MCOLN2: variants seen among roughly 807,000 people sequenced by gnomAD.
MCOLN2 encodes the protein mucolipin-2.
Under a neutral mutation model 67.5 loss-of-function variants are expected in MCOLN2, and 57 were observed. That is an observed-to-expected ratio of 0.84 (90% CI 0.68 to 1.05). The LOEUF is 1.05. Among genes scored for constraint, MCOLN2 ranks in the 50% least tolerant of loss-of-function variants. MCOLN2 has a pLI of 0.00. For synonymous variants in MCOLN2, 246 were observed against 233.3 expected (o/e 1.05, Z -0.50); for missense variants, 620 against 678.8 (o/e 0.91, Z 0.96).
At chr1:84,954,883 G>GT (rs2102840589) in intron 4 of MCOLN2, among the ~76,000 whole-genome samples, 1 of 152,302 alleles carries the variant, frequency 6.6e-6, no homozygotes, top group African/African-American at 2.4e-5. Context: ...TATATACAAG[G>GT]TAATTTCACA....
chr1:84,956,697 T>TCC (rs1358999561), intron 3 of MCOLN2, 113 bp from the exon 4 acceptor site: 9 of 807,560 alleles, frequency 1.1e-5, no homozygotes, highest in Middle Eastern at 2.7e-4. Flanking sequence ...ATCATGGCTC[T>TCC]CAATAGAACT....
chr1:84,990,545 C>T (rs1650842357), intron 1 of MCOLN2, among the ~76,000 whole-genome samples: 1 of 151,958 alleles, frequency 6.6e-6, no homozygotes, highest in South Asian at 2.1e-4. Context: ...TACCTTTGCA[C>T]TGACTTGAAG....
rs1286860201 is a variant in MCOLN2 at position 84,926,498 on chromosome 1, T to C, written c.*187A>G. On this transcript the variant is annotated 3_prime_UTR_variant, in exon 14 of 14. Transcript: ENST00000370608. ...GTAGTAGCCCATGGTCTATTCTTTA[T>C]CATTCAAGTTTATAAAAAGTAAAGC... 6.7e-6 allele frequency: 3 copies of C among 447,050 alleles called. No individual in the cohort carries two copies. The highest frequency in any genetic ancestry group is 1.2e-5 in the Non-Finnish European group (3 of 248,590). 27.7% of individuals were successfully genotyped at this position (447,050 alleles called of 1,614,324 possible). A position where few individuals can be genotyped will look rare whatever the true frequency, so the allele number is the denominator to read the frequency against.
At chr1:84,969,722 A>G (rs1208188366) in intron 1 of MCOLN2, among the ~76,000 whole-genome samples, 1 of 152,210 alleles carries the variant, frequency 6.6e-6, no homozygotes, top group East Asian at 1.9e-4. Flanking sequence ...TAGTCCGCGG[A>G]GCAAGCACTG....
chr1:84,927,271 T>TG lies in MCOLN2; in HGVS notation c.1665-551dup, dbSNP rs146143491. The stretch of plus-strand genomic sequence containing the variant: ...CTCAATAAATACATTGGTTTGTTTC[T>TG]GGAAAAAAAAAAAGAATCTCTGTGT... On this transcript the variant is annotated intron_variant, in intron 13 of 13. Transcript: ENST00000370608. 1.5e-3 allele frequency among the ~76,000 whole-genome samples: 231 copies of TG among 151,594 alleles called. 5 individuals carry two copies. The East Asian group carries it at 0.042, about 27-fold the overall frequency.
chr1:84,941,779 C>T (rs376006262), intron 7 of MCOLN2, among the ~76,000 whole-genome samples: 87 of 152,330 alleles, frequency 5.7e-4, no homozygotes, highest in African/African-American at 1.9e-3. Context: ...TTTCCCAGGA[C>T]ATAGTGCCAA....
intron 1 of MCOLN2, among the ~76,000 whole-genome samples, chr1:84,994,353 T>A (rs1245458002): frequency 8.2e-6 from 1 of 122,142 alleles, no homozygotes; most frequent in African/African-American, 2.7e-5. Flanking sequence ...TGCTGGCTTG[T>A]CCTCTCTACT....
chr1:84,989,117 C>A (rs898791704), intron 1 of MCOLN2, among the ~76,000 whole-genome samples: 2 of 152,138 alleles, frequency 1.3e-5, no homozygotes, highest in Non-Finnish European at 2.9e-5. Flanking sequence ...AAGGGTGGGT[C>A]TTGTTTATAA....
intron 1 of MCOLN2, among the ~76,000 whole-genome samples, chr1:84,992,303 A>T (rs909203648): frequency 1.3e-5 from 2 of 152,228 alleles, no homozygotes; most frequent in Admixed American, 6.5e-5. Flanking sequence ...AGAAAACAAA[A>T]CACAACCTTC....
chr1:84,962,543 G>GA (rs1176113908), intron 2 of MCOLN2, among the ~76,000 whole-genome samples: 4 of 152,162 alleles, frequency 2.6e-5, no homozygotes, highest in Non-Finnish European at 5.9e-5. Flanking sequence ...ACCTCATCTT[G>GA]AAAAAATAAT....
intron 11 of MCOLN2, among the ~76,000 whole-genome samples, chr1:84,933,234 G>T (rs1647259989): frequency 6.6e-6 from 1 of 152,060 alleles, no homozygotes; most frequent in South Asian, 2.1e-4. Context: ...ATCACAGAAT[G>T]AACTATGGTC....
At chr1:84,992,292 G>A (rs1650929805) in intron 1 of MCOLN2, among the ~76,000 whole-genome samples, 1 of 152,144 alleles carries the variant, frequency 6.6e-6, no homozygotes, top group South Asian at 2.1e-4. Context: ...TATTCAAGGG[G>A]AGAAAACAAA....
rs963642594 is a variant in MCOLN2 at position 84,956,653 on chromosome 1, T to C, written c.412-69A>G. 3.1e-6 allele frequency: 4 copies of C among 1,306,164 alleles called. No homozygotes were observed. The African/African-American group carries it at 4.6e-5, about 15-fold the overall frequency. 80.9% of individuals were successfully genotyped at this position (1,306,164 alleles called of 1,614,324 possible). On this transcript the variant is annotated intron_variant, in intron 3 of 13. Coordinates refer to ENST00000370608, the MANE Select transcript of MCOLN2 (RefSeq NM_153259.4). Reference sequence around the variant, plus strand: ...AACTTTGATCAGAGGTTATAGCATATAGAATGTACTTTCAGTTACTTTGTA... The same window carrying C: ...AACTTTGATCAGAGGTTATAGCATACAGAATGTACTTTCAGTTACTTTGTA...
intron 1 of MCOLN2, among the ~76,000 whole-genome samples, chr1:84,968,863 G>A (rs1649514060): frequency 6.6e-6 from 1 of 152,222 alleles, no homozygotes; most frequent in Admixed American, 6.5e-5. Flanking sequence ...CCAAACCCTG[G>A]AAGAAGGAAG....
intron 6 of MCOLN2, among the ~76,000 whole-genome samples, chr1:84,951,202 T>G (rs1421649619): frequency 1.3e-5 from 2 of 152,256 alleles, no homozygotes; most frequent in African/African-American, 4.8e-5. Context: ...TAAGCTTTCC[T>G]GAGGGCCACT....
At position 84,956,439 on chromosome 1, in the gene MCOLN2, A is replaced by T. The variant is rs762235549; in HGVS notation, c.557T>A (p.Val186Asp). 6.2e-7 allele frequency: 1 copy of T among 1,611,504 alleles called. No homozygotes were observed. The highest frequency in any genetic ancestry group is 2.2e-5 in the East Asian group (1 of 44,820). The change falls in exon 4 of 14, where the codon GTT becomes GAT. Residue 186 changes from valine to aspartate, a missense_variant. Coordinates refer to ENST00000370608, the MANE Select transcript of MCOLN2 (RefSeq NM_153259.4). ...AATTATCACTGCATTACCGAGCTCA[A>T]CGTCGTTGTCAATATTCAGTGTCTC... ...SNETLNIDND[V>D]ELDCVQLDLQ...
intron 1 of MCOLN2, among the ~76,000 whole-genome samples, chr1:84,988,764 A>C (rs55721024): frequency 0.15 from 23,502 of 152,098 alleles, 1,939 homozygotes; most frequent in East Asian, 0.26. Flanking sequence ...CTTCTCTCAG[A>C]GTAAAATCCA....
chr1:84,928,802 GA>G (rs1305817865), intron 13 of MCOLN2, among the ~76,000 whole-genome samples: 3 of 152,144 alleles, frequency 2.0e-5, no homozygotes, highest in African/African-American at 7.2e-5. Context: ...TTGATTAACA[GA>G]AAAATGCATC....
intron 6 of MCOLN2, among the ~76,000 whole-genome samples, chr1:84,948,320 C>A (rs1244583853): frequency 6.6e-6 from 1 of 152,242 alleles, no homozygotes; most frequent in Non-Finnish European, 1.5e-5. Flanking sequence ...GAGCCAATCA[C>A]AGACATCACT....
Sources: allele counts gnomAD v4.1 joint callset (sites outside exome capture counted in the v4.1 genomes callset), GRCh38; gene constraint gnomAD v4.1.1; transcripts MANE v1.5; gene names NCBI Gene and HGNC (gene_info 2026-07-23, HGNC 2026-07-21).